Variants in LAMA2 observed in about 807,000 individuals in gnomAD.
The protein encoded by LAMA2 is laminin subunit alpha-2.
LAMA2 carries 269 observed loss-of-function variants against 364.8 expected under a neutral mutation model. That is an observed-to-expected ratio of 0.74 (90% CI 0.67 to 0.82). The LOEUF (loss-of-function observed/expected upper bound fraction) is 0.82, where lower values mean the gene tolerates loss of function less well. Among genes scored for constraint, LAMA2 ranks in the 40% least tolerant of loss-of-function variants. The pLI is 0.00. For missense variants in LAMA2, 3,807 were observed against 3,873.2 expected (o/e 0.98, Z 0.45); for synonymous variants, 1,379 against 1,370.6 (o/e 1.01, Z -0.14).
At chr6:128,903,465 T>C (rs1389003333) in intron 1 of LAMA2, among the ~76,000 whole-genome samples, 1 of 152,238 alleles carries the variant, frequency 6.6e-6, no homozygotes, top group Non-Finnish European at 1.5e-5. Context: ...TGCCATTGCC[T>C]GATTTCCTGG....
chr6:129,404,829 A>G (rs936036635), intron 40 of LAMA2, among the ~76,000 whole-genome samples: 1 of 152,108 alleles, frequency 6.6e-6, no homozygotes, highest in Non-Finnish European at 1.5e-5. Flanking sequence ...TCTTTGCTTC[A>G]GTGTTGGGCA....
intron 53 of LAMA2, among the ~76,000 whole-genome samples, chr6:129,476,755 A>G (rs1480077609): frequency 2.0e-5 from 3 of 152,330 alleles, no homozygotes; most frequent in East Asian, 3.9e-4. Context: ...TGCAAGAAAA[A>G]TATAAGCAGA....
chr6:129,514,166 G>A (rs892747225), intron 63 of LAMA2, among the ~76,000 whole-genome samples: 3 of 152,094 alleles, frequency 2.0e-5, no homozygotes. Context: ...ATGCCCCAAA[G>A]CAAAGAGCAT....
At position 129,202,200 on chromosome 6, in the gene LAMA2, A is replaced by AAG. The variant is rs1554242599; in HGVS notation, c.1782+9348_1782+9349insGA. On this transcript the variant is annotated intron_variant, in intron 12 of 64. Transcript: ENST00000421865. ...GAGAGTCTGTCTCAAAAAAAAAAAA[A>AAG]AAAAAAAAAGAAAAGAAAAGAAAAC... 1.9e-4 allele frequency among the ~76,000 whole-genome samples: 28 copies of AAG among 150,508 alleles called. 1 individual carries two copies. The South Asian group carries it at 4.6e-3, about 25-fold the overall frequency.
At chr6:129,154,933 G>A (rs1035274769) in intron 8 of LAMA2, among the ~76,000 whole-genome samples, 3 of 152,100 alleles carry the variant, frequency 2.0e-5, no homozygotes, top group African/African-American at 7.2e-5. Flanking sequence ...GGCAAACTCT[G>A]TTCTGATTTT....
intron 14 of LAMA2, among the ~76,000 whole-genome samples, chr6:129,256,800 A>G (rs1440487574): frequency 7.2e-6 from 1 of 138,252 alleles, no homozygotes; most frequent in Non-Finnish European, 1.6e-5. Flanking sequence ...ATATATATAT[A>G]GTGGGTAGAA....
chr6:129,157,854 T>C, intron 8 of LAMA2: 1 of 1,614,136 alleles, frequency 6.2e-7, no homozygotes, highest in Non-Finnish European at 8.5e-7. Context: ...GATGTAGGGC[T>C]GGAAGTGGTT....
At chr6:129,462,963 G>A (rs1337085329) in intron 49 of LAMA2, among the ~76,000 whole-genome samples, 1 of 151,956 alleles carries the variant, frequency 6.6e-6, no homozygotes, top group East Asian at 1.9e-4. Context: ...AGATAAAATT[G>A]TTGTTATGCT....
chr6:129,193,751 T>A (rs1781674487), intron 12 of LAMA2, among the ~76,000 whole-genome samples: 2 of 152,234 alleles, frequency 1.3e-5, no homozygotes, highest in Admixed American at 1.3e-4. Context: ...ATAGCATTAT[T>A]TATGAAGAAA....
intron 1 of LAMA2, among the ~76,000 whole-genome samples, chr6:129,041,700 G>T (rs771435519): frequency 6.6e-6 from 1 of 151,984 alleles, no homozygotes; most frequent in African/African-American, 2.4e-5. Context: ...CTATGTACTC[G>T]AAATCTAGAT....
At chr6:129,432,998 T>TG (rs772041566) in intron 41 of LAMA2, among the ~76,000 whole-genome samples, 1 of 152,182 alleles carries the variant, frequency 6.6e-6, no homozygotes, top group Non-Finnish European at 1.5e-5. Flanking sequence ...CTCCATAACC[T>TG]GACTCCCTGT....
At chr6:129,166,649 T>C (rs1236790018) in intron 9 of LAMA2, among the ~76,000 whole-genome samples, 2 of 152,214 alleles carry the variant, frequency 1.3e-5, no homozygotes, top group Non-Finnish European at 2.9e-5. Flanking sequence ...TTTTCATTAA[T>C]ATCATTTAAC....
chr6:129,071,622 A>C (rs1773317997), intron 3 of LAMA2, among the ~76,000 whole-genome samples: 1 of 152,094 alleles, frequency 6.6e-6, no homozygotes, highest in Non-Finnish European at 1.5e-5. Context: ...TTTATTTTAA[A>C]ATATATTCTA....
intron 1 of LAMA2, among the ~76,000 whole-genome samples, chr6:129,046,962 T>C (rs1787558567): frequency 6.6e-6 from 1 of 152,186 alleles, no homozygotes; most frequent in Non-Finnish European, 1.5e-5. Context: ...TCAAAACATA[T>C]TTGATGAAGG....
intron 3 of LAMA2, among the ~76,000 whole-genome samples, chr6:129,083,004 G>A (rs1774159124): frequency 6.6e-6 from 1 of 151,642 alleles, no homozygotes; most frequent in Admixed American, 6.6e-5. Flanking sequence ...TATAGATTCT[G>A]ATTTTTTTAT....
chr6:129,478,913 T>C, intron 54 of LAMA2, 100 bp downstream of exon 54: 4 of 1,024,040 alleles, frequency 3.9e-6, no homozygotes, highest in Non-Finnish European at 6.2e-6. Context: ...TAATATATTT[T>C]ACTTTTCTAC....
chr6:128,948,204 T>C (rs970955208), intron 1 of LAMA2, among the ~76,000 whole-genome samples: 3 of 151,992 alleles, frequency 2.0e-5, no homozygotes, highest in African/African-American at 7.2e-5. Context: ...AGGACTTGAT[T>C]CCAGACTGTG....
chr6:129,118,053 T>C (rs72988997), intron 4 of LAMA2, among the ~76,000 whole-genome samples: 16 of 152,306 alleles, frequency 1.1e-4, no homozygotes, highest in Non-Finnish European at 2.1e-4. Context: ...AAACTTTGCT[T>C]GTCTTACCCA....
At chr6:129,083,076 TCACA>T (rs10553801) in intron 3 of LAMA2, among the ~76,000 whole-genome samples, 5,376 of 149,218 alleles carry the variant, frequency 0.036, 285 homozygotes, top group African/African-American at 0.12. Flanking sequence ...TCTCCTCTGC[TCACA>T]CACACACACA....
Sources: allele counts gnomAD v4.1 joint callset (sites outside exome capture counted in the v4.1 genomes callset), GRCh38; gene constraint gnomAD v4.1.1; transcripts MANE v1.5; gene names NCBI Gene and HGNC (gene_info 2026-07-23, HGNC 2026-07-21).